Variants in FMR1NB observed in about 807,000 individuals in gnomAD.
FMR1NB encodes FMR1 neighbor protein.
Under a neutral mutation model 16.8 loss-of-function variants are expected in FMR1NB, and 10 were observed. That is an observed-to-expected ratio of 0.60 (90% CI 0.37 to 1.01). The LOEUF (loss-of-function observed/expected upper bound fraction) is 1.01, where lower values mean the gene tolerates loss of function less well. Ranked by LOEUF, FMR1NB falls within the 50% of genes least tolerant of loss-of-function variation. The pLI is 0.01. For synonymous variants in FMR1NB, 83 were observed against 79.1 expected, an observed-to-expected ratio of 1.05 and a Z score of -0.26; for missense variants, 205 against 204.8, an observed-to-expected ratio of 1.00 and a Z score of 0.00.
At chrX:148,025,037 T>C in intron 5 of FMR1NB, 24 bp downstream of exon 5, 1 of 1,188,307 alleles carries the variant, frequency 8.4e-7, no homozygotes, top group South Asian at 1.9e-5. Context: ...GGATATAAAG[T>C]TGAAGTGCTC....
intron 1 of FMR1NB, among the ~76,000 whole-genome samples, chrX:147,994,761 T>A (rs1347524839): frequency 8.9e-6 from 1 of 112,572 alleles, no homozygotes; most frequent in Non-Finnish European, 1.9e-5. Flanking sequence ...TAAAATAATC[T>A]ATGATTCATT....
rs781993800 is a variant in FMR1NB at position 148,011,688 on chromosome X, A to G, written c.632+2977A>G. On this transcript the variant is annotated intron_variant, in intron 4 of 5. Transcript: ENST00000370467. ...CGTTTCAGGTCGATTTTGAAGGGGGACAGATTTGGAGTAGATAGAGAGGGG... is the reference window on the plus strand; with the variant it reads ...CGTTTCAGGTCGATTTTGAAGGGGGGCAGATTTGGAGTAGATAGAGAGGGG... 5.4e-5 allele frequency among the ~76,000 whole-genome samples: 6 copies of G among 111,369 alleles called. No individual in the cohort carries two copies. In the Admixed American group the frequency reaches 5.7e-4, roughly 11 times the overall value.
chrX:148,007,016 T>C (rs782549670), intron 3 of FMR1NB, among the ~76,000 whole-genome samples, 174 bp downstream of exon 3: 1 of 112,391 alleles, frequency 8.9e-6, no homozygotes, highest in African/African-American at 3.2e-5. Flanking sequence ...GGAGCAGTTT[T>C]TGCTTAGCCT....
At chrX:148,014,818 T>C (rs1473712291) in intron 4 of FMR1NB, among the ~76,000 whole-genome samples, 1 of 111,120 alleles carries the variant, frequency 9.0e-6, no homozygotes, top group Non-Finnish European at 1.9e-5. Flanking sequence ...CTAATTTTTG[T>C]ATATTTGGTA....
rs782263103 is a variant in FMR1NB at position 147,994,613 on chromosome X, TTC to T, written c.278-8586_278-8585del. Among the ~76,000 whole-genome samples the T allele has an allele frequency of 8.0e-5, 9 of 112,444 alleles. No homozygotes were observed. In the South Asian group the frequency reaches 3.3e-3, roughly 41 times the overall value. ...AACAAAACTATAAATTGTGTATTTT[TTC>T]TTAGTCAGCGAGTTCTTCATTTTCT... On this transcript the variant is annotated intron_variant, in intron 1 of 5. Transcript: ENST00000370467.
intron 4 of FMR1NB, among the ~76,000 whole-genome samples, chrX:148,015,637 TTTG>T (rs1294016615): frequency 8.9e-6 from 1 of 112,269 alleles, no homozygotes; most frequent in Admixed American, 9.5e-5. Flanking sequence ...CAAATTTCCT[TTTG>T]TTATTGATTT....
intron 1 of FMR1NB, among the ~76,000 whole-genome samples, chrX:147,992,055 C>T (rs1261784761): frequency 8.9e-6 from 1 of 112,247 alleles, no homozygotes; most frequent in Non-Finnish European, 1.9e-5. Context: ...CCCATGTCTA[C>T]TTCCTTCCAC....
At chrX:148,018,527 A>G (rs1320903431) in intron 4 of FMR1NB, among the ~76,000 whole-genome samples, 1 of 111,794 alleles carries the variant, frequency 8.9e-6, no homozygotes, top group African/African-American at 3.3e-5. Flanking sequence ...CTGCATATCT[A>G]TAACTATCTG....
intron 4 of FMR1NB, among the ~76,000 whole-genome samples, chrX:148,013,004 A>T (rs2044632558): frequency 8.9e-6 from 1 of 112,006 alleles, no homozygotes; most frequent in African/African-American, 3.2e-5. Context: ...TTTGAAAAGT[A>T]TGACTAGGCT....
intron 1 of FMR1NB, among the ~76,000 whole-genome samples, chrX:147,983,129 G>A (rs1557186803): frequency 9.0e-6 from 1 of 111,183 alleles, no homozygotes; most frequent in Non-Finnish European, 1.9e-5. Flanking sequence ...TCCATTGTAG[G>A]GATATACTAT....
At chrX:147,982,967 G>A (rs970459219) in intron 1 of FMR1NB, among the ~76,000 whole-genome samples, 3 of 111,923 alleles carry the variant, frequency 2.7e-5, no homozygotes, top group Non-Finnish European at 5.6e-5. Flanking sequence ...CAATTAAAGG[G>A]ATTTCGTTCC....
intron 4 of FMR1NB, among the ~76,000 whole-genome samples, chrX:148,024,112 A>G (rs1557190808): frequency 1.8e-5 from 2 of 112,170 alleles, no homozygotes; most frequent in South Asian, 3.7e-4. Flanking sequence ...GCCATTATTC[A>G]CGAACACTGC....
intron 1 of FMR1NB, among the ~76,000 whole-genome samples, chrX:147,992,706 G>A (rs1207158624): frequency 2.7e-4 from 16 of 59,385 alleles, no homozygotes; most frequent in Non-Finnish European, 4.6e-4. Flanking sequence ...CAGACGGGGC[G>A]GCCGGGCAGA....
At chrX:147,986,667 C>T (rs2044478447) in intron 1 of FMR1NB, among the ~76,000 whole-genome samples, 1 of 111,004 alleles carries the variant, frequency 9.0e-6, no homozygotes, top group Non-Finnish European at 1.9e-5. Context: ...CTGTTCTGTT[C>T]CATTTTTCTA....
At chrX:148,021,091 C>T (rs1388864054) in intron 4 of FMR1NB, among the ~76,000 whole-genome samples, 6 of 112,019 alleles carry the variant, frequency 5.4e-5, no homozygotes, top group African/African-American at 1.9e-4. Flanking sequence ...TGGTTCCTCT[C>T]TGGCTAGGTC....
chrX:147,996,496 C>A, intron 1 of FMR1NB, among the ~76,000 whole-genome samples: 1 of 109,260 alleles, frequency 9.2e-6, no homozygotes, highest in Middle Eastern at 4.7e-3. Flanking sequence ...CAGTAAAATC[C>A]TTTAGAAACT....
chrX:148,011,272 C>G (rs201325480), intron 4 of FMR1NB, among the ~76,000 whole-genome samples: 3 of 97,835 alleles, frequency 3.1e-5, no homozygotes, highest in African/African-American at 1.3e-4. Context: ...TCAAAAAAAA[C>G]AAAAACAAAA....
chrX:148,022,886 C>T (rs111839182), intron 4 of FMR1NB, among the ~76,000 whole-genome samples: 23 of 111,729 alleles, frequency 2.1e-4, no homozygotes, highest in African/African-American at 7.5e-4. Flanking sequence ...ATAAAGTAGG[C>T]TATATTGACG....
intron 1 of FMR1NB, among the ~76,000 whole-genome samples, chrX:147,994,683 T>G (rs1468786662): frequency 8.9e-6 from 1 of 112,351 alleles, no homozygotes; most frequent in African/African-American, 3.2e-5. Context: ...AAGAATACTG[T>G]CTAATTCAGT....
Sources: allele counts gnomAD v4.1 joint callset (sites outside exome capture counted in the v4.1 genomes callset), GRCh38; gene constraint gnomAD v4.1.1; transcripts MANE v1.5; gene names NCBI Gene and HGNC (gene_info 2026-07-23, HGNC 2026-07-21).